The following CYP2C18 variants were observed in gnomAD, a reference collection of about 807,000 sequenced individuals.
CYP2C18 encodes the protein cytochrome P450 2C18.
CYP2C18 carries 38 observed loss-of-function variants against 41.3 expected under a neutral mutation model. The ratio of observed to expected loss-of-function variants is 0.92; its 90% CI spans 0.71 to 1.21. The LOEUF (loss-of-function observed/expected upper bound fraction) is 1.21, where lower values mean the gene tolerates loss of function less well. Among genes scored for constraint, CYP2C18 ranks in the 50% most tolerant of loss-of-function variants. The pLI is 0.00. For missense variants in CYP2C18, 635 were observed against 591.4 expected (o/e 1.07, Z -0.77); for synonymous variants, 236 against 210.0 (o/e 1.12, Z -1.07).
At chr10:94,693,787 T>A (rs1030743339) in intron 3 of CYP2C18, among the ~76,000 whole-genome samples, 4 of 152,188 alleles carry the variant, frequency 2.6e-5, no homozygotes, top group African/African-American at 9.6e-5. Flanking sequence ...TTTGTTCAAG[T>A]CACTCTTAAT....
Position 94,735,381 on chromosome 10 carries a change from C to T in CYP2C18, c.1410C>T (p.Thr470=), listed in dbSNP as rs766759071. 6.2e-6 allele frequency: 10 copies of T among 1,613,626 alleles called. No individual in the cohort carries two copies. The Admixed American group carries it at 1.7e-4, about 27-fold the overall frequency. Residue 470 remains threonine, a synonymous_variant, in exon 9 of 9, where the codon ACC becomes ACT. Transcript: ENST00000285979. ...SQVDPKDIDI[T]PIANAFGRVP... is the part of the protein sequence containing the mutation. ...TTGACCCAAAGGATATTGACATCAC[C>T]CCCATTGCCAATGCATTTGGTCGTG... is the stretch of plus-strand genomic sequence containing the variant.
Position 94,733,287 on chromosome 10 carries a change from C to T in CYP2C18, c.1150-10C>T. ...TTTATAACTTAGTTTGTCTGTTTTG[C>T]TATTTTCAGGGCACGACCATAATAA... On this transcript the variant is annotated splice_polypyrimidine_tract_variant and intron_variant, in intron 7 of 8. Transcript: ENST00000285979. The T allele has an allele frequency of 1.2e-6, 2 of 1,609,638 alleles. No homozygotes were observed. The highest frequency in any genetic ancestry group is 1.7e-6 in the Non-Finnish European group (2 of 1,177,814).
intron 7 of CYP2C18, among the ~76,000 whole-genome samples, chr10:94,726,599 A>T (rs12785038): frequency 0.18 from 26,867 of 152,006 alleles, 2,621 homozygotes; most frequent in South Asian, 0.33. Flanking sequence ...ATTGATGGAC[A>T]TTTGGGTTGG....
chr10:94,709,888 T>C (rs548594970), intron 5 of CYP2C18, among the ~76,000 whole-genome samples: 3 of 152,340 alleles, frequency 2.0e-5, no homozygotes, highest in South Asian at 2.1e-4. Context: ...GGTACATTTG[T>C]TGAAATTCAG....
chr10:94,734,461 T>C (rs1847885327), intron 8 of CYP2C18, among the ~76,000 whole-genome samples: 1 of 152,164 alleles, frequency 6.6e-6, no homozygotes, highest in Admixed American at 6.5e-5. Flanking sequence ...CGGTGATCTA[T>C]GCTCCAGTGG....
At position 94,724,418 on chromosome 10, in the gene CYP2C18, T is replaced by C. The variant is rs200587027; in HGVS notation, c.1034T>C (p.Met345Thr). ...RSPCMQDRSH[M>T]PYTDAVVHEI... The stretch of plus-strand genomic sequence containing the variant: ...CCCTGTATGCAGGACAGGAGTCACA[T>C]GCCCTACACAGATGCTGTGGTGCAC... The change falls in exon 7 of 9, where the codon ATG becomes ACG. Residue 345 changes from methionine to threonine, a missense_variant. Met to Thr is a moderately conservative substitution (Grantham distance 81, BLOSUM62 -1). Transcript: ENST00000285979. 5.6e-6 allele frequency: 9 copies of C among 1,613,618 alleles called. No individual in the cohort carries two copies. Among genetic ancestry groups the C allele is most frequent in the East Asian group, 2.2e-5 (1 of 44,840 alleles).
chr10:94,728,868 T>A (rs2134209286), intron 7 of CYP2C18, among the ~76,000 whole-genome samples: 1 of 152,250 alleles, frequency 6.6e-6, no homozygotes, highest in Admixed American at 6.5e-5. Context: ...TTGCAATTAC[T>A]TTTCAGTTTC....
In CYP2C18 at chr10:94,704,092, G is replaced by A. The variant is rs557035658; in HGVS notation, c.643-2692G>A. Among the ~76,000 whole-genome samples, 6 of 152,144 alleles carry A rather than the reference G, an allele frequency of 3.9e-5. No individual in the cohort carries two copies. In the East Asian group the frequency reaches 7.7e-4, roughly 20 times the overall value. On this transcript the variant is annotated intron_variant, in intron 4 of 8. Coordinates refer to ENST00000285979, the MANE Select transcript of CYP2C18 (RefSeq NM_000772.3). The stretch of plus-strand genomic sequence containing the variant: ...CTAACTAGTCCCAGTGAGATGAACC[G>A]GGCACCTCAGTTGGAAATGCAGAAA...
intron 4 of CYP2C18, among the ~76,000 whole-genome samples, chr10:94,697,999 C>A (rs12773527): frequency 4.4e-4 from 67 of 151,994 alleles, no homozygotes; most frequent in Middle Eastern, 3.4e-3. Context: ...TAGAGACCTA[C>A]GAAGAGACTT....
At chr10:94,717,672 G>A (rs768256641) in intron 5 of CYP2C18, among the ~76,000 whole-genome samples, 17 of 151,966 alleles carry the variant, frequency 1.1e-4, no homozygotes, top group Non-Finnish European at 1.6e-4. Context: ...TTATTCTTTA[G>A]CATTTGGATA....
At chr10:94,705,292 A>G (rs1458032182) in intron 4 of CYP2C18, among the ~76,000 whole-genome samples, 1 of 152,214 alleles carries the variant, frequency 6.6e-6, no homozygotes, top group African/African-American at 2.4e-5. Context: ...GTTCTCATTC[A>G]TAAGTGGGAG....
chr10:94,733,188 C>A, intron 7 of CYP2C18, 109 bp from the exon 8 acceptor site: 1 of 1,105,038 alleles, frequency 9.0e-7, no homozygotes, highest in Non-Finnish European at 1.3e-6. Context: ...TTCTTTGGAC[C>A]TCAATTTTCT....
intron 1 of CYP2C18, among the ~76,000 whole-genome samples, chr10:94,687,461 A>G (rs563698410): frequency 2.0e-5 from 3 of 152,286 alleles, no homozygotes; most frequent in African/African-American, 7.2e-5. Context: ...CAGCTGTGGG[A>G]CACTGGCAGT....
At chr10:94,710,052 CT>C (rs1311826633) in intron 5 of CYP2C18, among the ~76,000 whole-genome samples, 1 of 152,068 alleles carries the variant, frequency 6.6e-6, no homozygotes, top group Non-Finnish European at 1.5e-5. Flanking sequence ...TGATCTTGGC[CT>C]CTACCTCCCG....
intron 5 of CYP2C18, among the ~76,000 whole-genome samples, chr10:94,711,297 A>G (rs1045809430): frequency 3.6e-4 from 54 of 152,072 alleles, no homozygotes; most frequent in African/African-American, 1.3e-3. Flanking sequence ...GGCTGGCCCC[A>G]TCTTGTCTTG....
Position 94,706,789 on chromosome 10 carries a change from C to T in CYP2C18, c.648C>T (p.Cys216=), listed in dbSNP as rs775831653. Residue 216 remains cysteine (C), a synonymous_variant, in exon 5 of 9, where the codon TGC becomes TGT. Transcript: ENST00000285979. ...AATTTTTAAAAATCTTTAAGGTCTG[C>T]AATAATTTCCCTGCTCTCATCGATT... is the stretch of plus-strand genomic sequence containing the variant. ...RILSSPWIQV[C]NNFPALIDYL... The T allele has an allele frequency of 1.4e-5, 21 of 1,553,162 alleles. 1 individual carries two copies. The South Asian group carries it at 2.5e-4, about 18-fold the overall frequency.
chr10:94,732,642 TA>T (rs1247758062), intron 7 of CYP2C18, among the ~76,000 whole-genome samples: 1 of 151,986 alleles, frequency 6.6e-6, no homozygotes, highest in South Asian at 2.1e-4. Context: ...TATGCAGCCA[TA>T]AAAAAGAATG....
rs566637891 is a variant in CYP2C18, at chr10:94,698,723, T to C, written c.642+3646T>C. ...TTTTTTAAAAGATCAACAAAATTGA[T>C]AGACCACTAGCAAGACTAATAAAGA... On this transcript the variant is annotated intron_variant, in intron 4 of 8. Transcript: ENST00000285979. 7.2e-5 allele frequency among the ~76,000 whole-genome samples: 11 copies of C among 152,022 alleles called. No homozygotes were observed. The East Asian group carries it at 1.5e-3, about 21-fold the overall frequency.
At chr10:94,726,057 A>G (rs1043436577) in intron 7 of CYP2C18, among the ~76,000 whole-genome samples, 1 of 152,114 alleles carries the variant, frequency 6.6e-6, no homozygotes, top group Non-Finnish European at 1.5e-5. Flanking sequence ...GTTATGATGT[A>G]TGAAAAAATG....
Sources: allele counts gnomAD v4.1 joint callset (sites outside exome capture counted in the v4.1 genomes callset), GRCh38; gene constraint gnomAD v4.1.1; transcripts MANE v1.5; gene names NCBI Gene and HGNC (gene_info 2026-07-23, HGNC 2026-07-21).